The following NDRG2 variants were observed in gnomAD, a reference collection of about 807,000 sequenced individuals.
The protein encoded by NDRG2 is NDRG family member 2.
Under a neutral mutation model 58.2 loss-of-function variants are expected in NDRG2, and 34 were observed. The ratio of observed to expected loss-of-function variants is 0.58; its 90% CI spans 0.44 to 0.78. The LOEUF is 0.78. Ranked by LOEUF, NDRG2 falls within the 30% of genes least tolerant of loss-of-function variation. The pLI is 0.00. For missense variants in NDRG2, 434 were observed against 471.2 expected, an observed-to-expected ratio of 0.92 and a Z score of 0.73; for synonymous variants, 187 against 175.9, an observed-to-expected ratio of 1.06 and a Z score of -0.50.
In NDRG2 at chr14:21,017,634, A is replaced by G; in HGVS notation, c.1078T>C (p.Ser360Pro). The change falls in exon 16 of 16, where the codon TCG becomes CCG. Residue 360 changes from serine to proline, a missense_variant. Transcript: ENST00000556147. ...TCCATGGTGTGCCCCGGGGGCCCCGAAGAAAGAGTTCCAGACTCGCTGCTC... is the reference window on the plus strand; with the variant it reads ...TCCATGGTGTGCCCCGGGGGCCCCGGAGAAAGAGTTCCAGACTCGCTGCTC... ...SQSSESGTLS[S>P]GPPGHTMEVS... 1 of 1,613,754 alleles carries G rather than the reference A, an allele frequency of 6.2e-7. No homozygotes were observed. The highest frequency in any genetic ancestry group is 8.5e-7 in the Non-Finnish European group (1 of 1,179,880).
intron 1 of NDRG2, among the ~76,000 whole-genome samples, chr14:21,065,636 G>C (rs1886223962): frequency 6.6e-6 from 1 of 152,198 alleles, no homozygotes; most frequent in Non-Finnish European, 1.5e-5. Flanking sequence ...CTTTAGACCA[G>C]GTGGCCAGGG....
intron 1 of NDRG2, among the ~76,000 whole-genome samples, chr14:21,057,153 A>C (rs1885709742): frequency 6.6e-6 from 1 of 152,138 alleles, no homozygotes; most frequent in Non-Finnish European, 1.5e-5. Context: ...AGTTTCTCTT[A>C]ACCGGGCGCG....
intron 11 of NDRG2, 36 bp downstream of exon 11, chr14:21,019,080 G>A: frequency 1.3e-6 from 2 of 1,571,992 alleles, no homozygotes; most frequent in South Asian, 2.3e-5. Context: ...GGAAGATCCA[G>A]GGAGACAGGC....
intron 1 of NDRG2, among the ~76,000 whole-genome samples, chr14:21,063,753 G>A (rs1886102371): frequency 6.6e-6 from 1 of 152,186 alleles, no homozygotes; most frequent in Admixed American, 6.5e-5. Context: ...AACAAAATGT[G>A]GTTTTGGAGC....
At chr14:21,018,138 G>A in intron 14 of NDRG2, 66 bp downstream of exon 14, 4 of 1,605,750 alleles carry the variant, frequency 2.5e-6, no homozygotes, top group Non-Finnish European at 3.4e-6. Context: ...TGTGGCAAAG[G>A]GCAGAGCCCA....
At chr14:21,018,838 A>C in intron 11 of NDRG2, 24 bp from the exon 12 acceptor site, 1 of 1,614,032 alleles carries the variant, frequency 6.2e-7, no homozygotes, top group Non-Finnish European at 8.5e-7. Flanking sequence ...GTTGGGGAGA[A>C]GGCAGTGAGC....
At chr14:21,019,586 C>A (rs1259027086) in intron 10 of NDRG2, 53 bp downstream of exon 10, 1 of 1,234,738 alleles carries the variant, frequency 8.1e-7, no homozygotes, top group African/African-American at 1.5e-5. Flanking sequence ...CCCATGACGC[C>A]CAATTACTGC....
At chr14:21,059,665 A>G (rs1885851685) in intron 1 of NDRG2, among the ~76,000 whole-genome samples, 2 of 151,850 alleles carry the variant, frequency 1.3e-5, no homozygotes. Context: ...CACCTGGCTA[A>G]TTTTTGCATT....
chr14:21,024,152 A>T lies in NDRG2; in HGVS notation c.-129T>A. ...ATGGGAGACAGACCTGGGGTCTTTC[A>T]GGGACGGAAAGCCTCAGCCAAGACC... is the stretch of plus-strand genomic sequence containing the variant. On this transcript the variant is annotated 5_prime_UTR_variant, in exon 1 of 16. An upstream open reading frame in the 5' UTR loses its in-frame stop. Transcript: ENST00000556147. 1 of 985,398 alleles carries T rather than the reference A, an allele frequency of 1.0e-6. No individual in the cohort carries two copies. Among genetic ancestry groups the T allele is most frequent in the Non-Finnish European group, 1.2e-6 (1 of 829,934 alleles). The allele number at this position is 985,398 out of a possible 1,614,324, so 61.0% of individuals were successfully genotyped here.
intron 1 of NDRG2, chr14:21,036,143 C>G (rs1408803177): frequency 2.2e-6 from 1 of 455,370 alleles, no homozygotes; most frequent in East Asian, 6.9e-5. Flanking sequence ...CCCTGACAAT[C>G]TTAAACTTTT....
At chr14:21,055,631 A>T (rs1885641590) in intron 1 of NDRG2, among the ~76,000 whole-genome samples, 1 of 152,208 alleles carries the variant, frequency 6.6e-6, no homozygotes, top group Non-Finnish European at 1.5e-5. Context: ...GCATGTTTGC[A>T]ACGTATTTGG....
intron 1 of NDRG2, among the ~76,000 whole-genome samples, chr14:21,048,818 G>A (rs144530009): frequency 6.5e-4 from 99 of 152,272 alleles, no homozygotes; most frequent in Non-Finnish European, 1.1e-3. Context: ...TTAAACAAGG[G>A]AGGCCAAACT....
At chr14:21,046,325 G>C (rs1033987757) in intron 1 of NDRG2, among the ~76,000 whole-genome samples, 13 of 152,136 alleles carry the variant, frequency 8.5e-5, no homozygotes, top group African/African-American at 3.1e-4. Context: ...AGGAGTTTGA[G>C]ACCAGTCTGG....
At chr14:21,046,551 A>ATACATACATACC (rs1885162898) in intron 1 of NDRG2, among the ~76,000 whole-genome samples, 1 of 141,944 alleles carries the variant, frequency 7.0e-6, no homozygotes, top group Non-Finnish European at 1.5e-5. Flanking sequence ...AAATACATAC[A>ATACATACATACC]TACATACATA....
At chr14:21,049,254 A>C (rs1213811169) in intron 1 of NDRG2, among the ~76,000 whole-genome samples, 3 of 152,160 alleles carry the variant, frequency 2.0e-5, no homozygotes, top group Non-Finnish European at 2.9e-5. Context: ...TCCATCGTGG[A>C]AGCCTCTTAT....
chr14:21,017,559 T>C lies in NDRG2; in HGVS notation c.*37A>G, dbSNP rs1594361412. 4 of 1,592,284 alleles carry C rather than the reference T, an allele frequency of 2.5e-6. No homozygotes were observed. The South Asian group carries it at 4.6e-5, about 18-fold the overall frequency. Reference sequence around the variant, plus strand: ...CCTCCCAGGTTAGCTCTGGGGGAGGTGAGGGCTGGGTCCCACTCTAGGGCA... The same window carrying C: ...CCTCCCAGGTTAGCTCTGGGGGAGGCGAGGGCTGGGTCCCACTCTAGGGCA... On this transcript the variant is annotated 3_prime_UTR_variant, in exon 16 of 16. Coordinates refer to ENST00000556147, the MANE Select transcript of NDRG2 (RefSeq NM_001320329.2).
chr14:21,061,431 A>C (rs892516015), intron 1 of NDRG2, among the ~76,000 whole-genome samples: 4 of 152,268 alleles, frequency 2.6e-5, no homozygotes, highest in Admixed American at 2.6e-4. Context: ...GATGGCGTGT[A>C]ACTGGAATCT....
chr14:21,024,773 C>G lies in NDRG2; in HGVS notation c.-750G>C. 1 of 985,604 alleles carries G rather than the reference C, an allele frequency of 1.0e-6. No homozygotes were observed. Among genetic ancestry groups the G allele is most frequent in the Non-Finnish European group, 1.2e-6 (1 of 830,046 alleles). 61.1% of individuals were successfully genotyped at this position (985,604 alleles called of 1,614,324 possible). A position where few individuals can be genotyped will look rare whatever the true frequency, so the allele number is the denominator to read the frequency against. The stretch of plus-strand genomic sequence containing the variant: ...CCGTCCCTACGAGTCCCTACGCAGC[C>G]CGTCCGCGTGGAGACTGACACCCTT... On this transcript the variant is annotated 5_prime_UTR_variant, in exon 1 of 16. Coordinates refer to ENST00000556147, the MANE Select transcript of NDRG2 (RefSeq NM_001320329.2).
In NDRG2 at chr14:21,024,047, G is replaced by A; in HGVS notation, c.-24C>T. 1.0e-6 allele frequency: 1 copy of A among 985,670 alleles called. No homozygotes were observed. The highest frequency in any genetic ancestry group is 1.2e-6 in the Non-Finnish European group (1 of 830,104). 61.1% of individuals were successfully genotyped at this position (985,670 alleles called of 1,614,324 possible). On this transcript the variant is annotated 5_prime_UTR_variant, in exon 1 of 16. Transcript: ENST00000556147. Reference sequence around the variant, plus strand: ...TCACTTACTGGGCTCCTATTGGCTGGATGCAGTGGGATTAGGGGTCAGGGT... The same window carrying A: ...TCACTTACTGGGCTCCTATTGGCTGAATGCAGTGGGATTAGGGGTCAGGGT...
Sources: allele counts gnomAD v4.1 joint callset (sites outside exome capture counted in the v4.1 genomes callset), GRCh38; gene constraint gnomAD v4.1.1; transcripts MANE v1.5; gene names NCBI Gene and HGNC (gene_info 2026-07-23, HGNC 2026-07-21).